IFT22: variants seen among roughly 807,000 people sequenced by gnomAD.
IFT22 encodes intraflagellar transport 22.
Under a neutral mutation model 21.0 loss-of-function variants are expected in IFT22, and 13 were observed. The ratio of observed to expected loss-of-function variants is 0.62; its 90% confidence interval spans 0.40 to 0.98. The LOEUF (loss-of-function observed/expected upper bound fraction) is 0.98. IFT22 is among the 50% of genes least tolerant of loss of function. The pLI is 0.00. For synonymous variants in IFT22, 67 were observed against 82.4 expected (o/e 0.81, Z 1.01); for missense variants, 227 against 228.9 (o/e 0.99, Z 0.06).
chr7:101,320,761 G>A lies in IFT22; in HGVS notation c.39+910C>T, dbSNP rs76804623. 6.7e-3 allele frequency among the ~76,000 whole-genome samples: 1,016 copies of A among 152,206 alleles called. 29 individuals are homozygous for A. The East Asian group carries it at 0.093, about 14-fold the overall frequency. Reference sequence around the variant, plus strand: ...CTCATGCCTGTAATCCCAGAACTTTGAGAGACTGAGGCGGGAGGACTGTTT... The same window carrying A: ...CTCATGCCTGTAATCCCAGAACTTTAAGAGACTGAGGCGGGAGGACTGTTT... On this transcript the variant is annotated intron_variant, in intron 1 of 4. Transcript: ENST00000315322.
Position 101,321,739 on chromosome 7 carries a change from G to T in IFT22, c.-30C>A. ...GTCCGCCGCGGCTTAGCCGGCCGGA[G>T]CCCACGGGAGGCGGCGCGTCAGGAC... On this transcript the variant is annotated 5_prime_UTR_variant, in exon 1 of 5. Transcript: ENST00000315322. The T allele has an allele frequency of 6.3e-7, 1 of 1,579,090 alleles. No individual in the cohort carries two copies.
At chr7:101,317,349 A>G (rs1790189917) in intron 3 of IFT22, among the ~76,000 whole-genome samples, 1 of 151,810 alleles carries the variant, frequency 6.6e-6, no homozygotes, top group Non-Finnish European at 1.5e-5. Context: ...GGGTTTCGCT[A>G]TGTTGGCCAG....
In IFT22 at chr7:101,321,309, G is replaced by T. The variant is rs541753613; in HGVS notation, c.39+362C>A. On this transcript the variant is annotated intron_variant, in intron 1 of 4. Transcript: ENST00000315322. ...ACTGCACTCCAGCCTGGACGACACA[G>T]CGACAACCTGTCTCAAACAAAAGTC... 5.5e-4 allele frequency: 151 copies of T among 275,680 alleles called. 1 individual carries two copies. Among genetic ancestry groups the T allele is most frequent in the Non-Finnish European group, 1.8e-4 (26 of 144,688 alleles). The allele number at this position is 275,680 out of a possible 1,614,324, so 17.1% of individuals were successfully genotyped here.
intron 3 of IFT22, 99 bp from the exon 4 acceptor site, chr7:101,316,641 A>C: frequency 1.6e-6 from 2 of 1,260,338 alleles, no homozygotes; most frequent in Admixed American, 4.1e-5. Context: ...TTGGTCTATG[A>C]CGGCTGGGCG....
At chr7:101,317,588 G>C (rs1011003132) in intron 3 of IFT22, among the ~76,000 whole-genome samples, 1 of 151,994 alleles carries the variant, frequency 6.6e-6, no homozygotes, top group Non-Finnish European at 1.5e-5. Context: ...ACTTCTAACT[G>C]CATCATAACC....
Position 101,311,953 on chromosome 7 carries a change from A to G in IFT22, c.*3181T>C, listed in dbSNP as rs1455886484. 6.6e-6 allele frequency among the ~76,000 whole-genome samples: 1 copy of G among 152,192 alleles called. No individual in the cohort carries two copies. The highest frequency in any genetic ancestry group is 1.5e-5 in the Non-Finnish European group (1 of 68,036). On this transcript the variant is annotated 3_prime_UTR_variant, in exon 5 of 5. Transcript: ENST00000315322. Reference sequence around the variant, plus strand: ...AACCCGGAGGGTGGAGATTGCAGTGAGACTCTCAAAAAAACAAAACAACAC... The same window carrying G: ...AACCCGGAGGGTGGAGATTGCAGTGGGACTCTCAAAAAAACAAAACAACAC...
chr7:101,321,438 G>A (rs1790344622), intron 1 of IFT22: 1 of 546,946 alleles, frequency 1.8e-6, no homozygotes, highest in Non-Finnish European at 3.2e-6. Context: ...TTGGGCCTTC[G>A]GGGCTCATTA....
chr7:101,319,980 GA>G (rs1398431194), intron 1 of IFT22, among the ~76,000 whole-genome samples: 1 of 151,342 alleles, frequency 6.6e-6, no homozygotes, highest in Non-Finnish European at 1.5e-5. Context: ...TTTTTAGATG[GA>G]GTTTCGCTCT....
chr7:101,315,024 C>G lies in IFT22; in HGVS notation c.*110G>C. Reference sequence around the variant, plus strand: ...GCCTTCCTGCAGGTAGGAACACTTCCTCTGCAGTCAGAGGGAGAAGAAAAC... The same window carrying G: ...GCCTTCCTGCAGGTAGGAACACTTCGTCTGCAGTCAGAGGGAGAAGAAAAC... On this transcript the variant is annotated 3_prime_UTR_variant, in exon 5 of 5. Coordinates refer to ENST00000315322, the MANE Select transcript of IFT22 (RefSeq NM_022777.4). The G allele has an allele frequency of 8.1e-7, 1 of 1,240,346 alleles. No homozygotes were observed. Among genetic ancestry groups the G allele is most frequent in the Non-Finnish European group, 1.1e-6 (1 of 893,656 alleles). The allele number at this position is 1,240,346 out of a possible 1,614,324, so 76.8% of individuals were successfully genotyped here.
At chr7:101,317,780 G>A (rs573457648) in intron 3 of IFT22, among the ~76,000 whole-genome samples, 9 of 152,042 alleles carry the variant, frequency 5.9e-5, no homozygotes, top group Admixed American at 2.6e-4. Flanking sequence ...ACAATGGTGC[G>A]ATCTCAGCTC....
chr7:101,321,713 T>C lies in IFT22; in HGVS notation c.-4A>G, dbSNP rs768906741. On this transcript the variant is annotated 5_prime_UTR_variant, in exon 1 of 5. Transcript: ENST00000315322. ...AGAGGATCTTGGCTTTCAGCATAGT[T>C]GTCCGCCGCGGCTTAGCCGGCCGGA... 1 of 1,597,748 alleles carries C rather than the reference T, an allele frequency of 6.3e-7. No homozygotes were observed. The highest frequency in any genetic ancestry group is 8.5e-7 in the Non-Finnish European group (1 of 1,172,016).
chr7:101,316,686 A>C, intron 3 of IFT22, 144 bp from the exon 4 acceptor site: 2 of 724,232 alleles, frequency 2.8e-6, no homozygotes, highest in Non-Finnish European at 2.3e-6. Flanking sequence ...GCACTTTGGG[A>C]GGCCGAGGCG....
intron 1 of IFT22, among the ~76,000 whole-genome samples, chr7:101,320,558 CTTTTTTT>C (rs397889268): frequency 9.8e-6 from 1 of 101,634 alleles, no homozygotes; most frequent in Non-Finnish European, 2.1e-5. Context: ...CGCGCCCGGC[CTTTTTTT>C]TTTTTTTTTT....
Position 101,320,867 on chromosome 7 carries a change from C to G in IFT22, c.39+804G>C, listed in dbSNP as rs369842335. On this transcript the variant is annotated intron_variant, in intron 1 of 4. Coordinates refer to ENST00000315322, the MANE Select transcript of IFT22 (RefSeq NM_022777.4). ...TCTACAAATAATTAACAAATTAAGGCCAGGCGCGGTGGCTCATCCCTATAA... is the reference window on the plus strand; with the variant it reads ...TCTACAAATAATTAACAAATTAAGGGCAGGCGCGGTGGCTCATCCCTATAA... Among the ~76,000 whole-genome samples the G allele has an allele frequency of 3.9e-3, 600 of 152,190 alleles. 4 individuals carry two copies. The highest frequency in any genetic ancestry group is 0.014 in the African/African-American group (579 of 41,538).
In IFT22 at chr7:101,312,742, G is replaced by A. The variant is rs914409783; in HGVS notation, c.*2392C>T. 4.0e-5 allele frequency among the ~76,000 whole-genome samples: 6 copies of A among 151,770 alleles called. No individual in the cohort carries two copies. The East Asian group carries it at 1.2e-3, about 30-fold the overall frequency. ...AGTAGAGTCGGGGTTTCACCATGTT[G>A]GACAGGCTGGTCTCGAACTCCTGAC... On this transcript the variant is annotated 3_prime_UTR_variant, in exon 5 of 5. Transcript: ENST00000315322.
intron 1 of IFT22, among the ~76,000 whole-genome samples, chr7:101,320,994 T>G (rs1185337974): frequency 3.3e-5 from 5 of 152,062 alleles, no homozygotes; most frequent in Non-Finnish European, 7.4e-5. Context: ...AATACAAAAA[T>G]TAGCCAGGGG....
Position 101,321,786 on chromosome 7 carries a change from C to A in IFT22, c.-77G>T. ...GGACGGAGCTCTACTTGGCCGCTTT[C>A]GTTTCCATGGCGACGGAGAGAGGCC... On this transcript the variant is annotated 5_prime_UTR_variant, in exon 1 of 5. Coordinates refer to ENST00000315322, the MANE Select transcript of IFT22 (RefSeq NM_022777.4). 1 of 1,415,772 alleles carries A rather than the reference C, an allele frequency of 7.1e-7. No homozygotes were observed. The highest frequency in any genetic ancestry group is 1.8e-4 in the Middle Eastern group (1 of 5,460). 87.7% of individuals were successfully genotyped at this position (1,415,772 alleles called of 1,614,324 possible).
At position 101,318,992 on chromosome 7, in the gene IFT22, G is replaced by T; in HGVS notation, c.80C>A (p.Ser27Tyr). The T allele has an allele frequency of 2.5e-6, 4 of 1,614,040 alleles. No homozygotes were observed. The highest frequency in any genetic ancestry group is 3.4e-6 in the Non-Finnish European group (4 of 1,179,942). The change falls in exon 2 of 5, where the codon TCT becomes TAT. Residue 27 changes from serine to tyrosine, a missense_variant. By Grantham distance (144) the Ser-to-Tyr change is moderately radical. Transcript: ENST00000315322. ...TVLANFLTES[S>Y]DITEYSPTQG... Reference sequence around the variant, plus strand: ...GGTTGGGCTGTATTCAGTGATGTCAGAAGATTCTGTCAGAAAGTTGGCCAA... The same window carrying T: ...GGTTGGGCTGTATTCAGTGATGTCATAAGATTCTGTCAGAAAGTTGGCCAA...
chr7:101,312,474 A>G lies in IFT22; in HGVS notation c.*2660T>C, dbSNP rs1180429122. Among the ~76,000 whole-genome samples, 2 of 151,462 alleles carry G rather than the reference A, an allele frequency of 1.3e-5. No individual in the cohort carries two copies. The highest frequency in any genetic ancestry group is 2.9e-5 in the Non-Finnish European group (2 of 67,908). On this transcript the variant is annotated 3_prime_UTR_variant, in exon 5 of 5. Transcript: ENST00000315322. ...AATTGTGTCTGTACTCCACTTTCCA[A>G]CTGGATATAGTGTCCATATCAAGGT...
Sources: allele counts gnomAD v4.1 joint callset (sites outside exome capture counted in the v4.1 genomes callset), GRCh38; gene constraint gnomAD v4.1.1; transcripts MANE v1.5; gene names NCBI Gene and HGNC (gene_info 2026-07-23, HGNC 2026-07-21).